Variants in DGKB observed in about 807,000 individuals in gnomAD.
DGKB encodes the protein diacylglycerol kinase beta.
A neutral mutation model predicts 114.3 loss-of-function variants in DGKB; 67 were observed. The ratio of observed to expected loss-of-function variants is 0.59; its 90% confidence interval spans 0.48 to 0.72. The LOEUF is 0.72. Among genes scored for constraint, DGKB ranks in the 30% least tolerant of loss-of-function variants. The pLI is 0.00. For synonymous variants in DGKB, 398 were observed against 323.1 expected, an observed-to-expected ratio of 1.23 and a Z score of -2.49; for missense variants, 907 against 975.2, an observed-to-expected ratio of 0.93 and a Z score of 0.93.
chr7:14,760,495 T>G (rs1218435089), intron 2 of DGKB, among the ~76,000 whole-genome samples: 2 of 152,128 alleles, frequency 1.3e-5, no homozygotes, highest in African/African-American at 4.8e-5. Flanking sequence ...GCTGACCCCT[T>G]ATTCTCAAAT....
At chr7:14,282,628 A>G (rs1800157122) in intron 23 of DGKB, among the ~76,000 whole-genome samples, 1 of 150,080 alleles carries the variant, frequency 6.7e-6, no homozygotes, top group Non-Finnish European at 1.5e-5. Flanking sequence ...ATACTGGCAA[A>G]CCGAATCCAG....
At chr7:14,875,393 C>T (rs217566) in intron 1 of DGKB, among the ~76,000 whole-genome samples, 138,582 of 152,092 alleles carry the variant, frequency 0.91, 63,602 homozygotes, top group Non-Finnish European at 0.96. Context: ...ATTCACTTTT[C>T]AGGAGTCACC....
intron 21 of DGKB, among the ~76,000 whole-genome samples, chr7:14,377,623 G>A (rs528135322): frequency 3.3e-5 from 5 of 152,178 alleles, no homozygotes; most frequent in African/African-American, 9.6e-5. Context: ...GGTAACAAAC[G>A]CAGCCAAAAA....
At chr7:14,520,708 T>C (rs1383396505) in intron 20 of DGKB, among the ~76,000 whole-genome samples, 1 of 152,080 alleles carries the variant, frequency 6.6e-6, no homozygotes, top group Admixed American at 6.6e-5. Context: ...TCAGTCTTTT[T>C]ATATTCATTG....
chr7:14,662,992 C>T (rs550305147), intron 13 of DGKB, among the ~76,000 whole-genome samples: 4 of 152,066 alleles, frequency 2.6e-5, no homozygotes, highest in African/African-American at 9.6e-5. Flanking sequence ...CACTCACCAT[C>T]AGCTATGCAT....
intron 23 of DGKB, among the ~76,000 whole-genome samples, chr7:14,224,987 G>T (rs1010710130): frequency 2.0e-5 from 3 of 151,942 alleles, no homozygotes; most frequent in Non-Finnish European, 4.4e-5. Flanking sequence ...GAAGTTAGGA[G>T]GACACTTCCT....
intron 2 of DGKB, among the ~76,000 whole-genome samples, chr7:14,802,849 T>C (rs1156934839): frequency 6.6e-6 from 1 of 152,174 alleles, no homozygotes; most frequent in Admixed American, 6.6e-5. Context: ...TTTATACGTT[T>C]ACTGCATATT....
intron 2 of DGKB, among the ~76,000 whole-genome samples, chr7:14,799,645 T>C (rs973381010): frequency 6.6e-6 from 1 of 152,130 alleles, no homozygotes; most frequent in Non-Finnish European, 1.5e-5. Flanking sequence ...AACGGGCCTA[T>C]TTGGATTTTA....
intron 23 of DGKB, among the ~76,000 whole-genome samples, chr7:14,231,382 C>T (rs1481616261): frequency 1.3e-5 from 2 of 151,910 alleles, no homozygotes; most frequent in African/African-American, 4.8e-5. Context: ...AAGCCATCCA[C>T]CTGCCTTGGC....
chr7:14,208,496 G>C (rs1385704250), intron 23 of DGKB, among the ~76,000 whole-genome samples: 1 of 151,922 alleles, frequency 6.6e-6, no homozygotes, highest in Non-Finnish European at 1.5e-5. Flanking sequence ...CCTTTTGCTG[G>C]GTTGCAAGGG....
At chr7:14,974,102 A>G (rs1210074479) in intron 1 of DGKB, among the ~76,000 whole-genome samples, 1 of 151,974 alleles carries the variant, frequency 6.6e-6, no homozygotes, top group East Asian at 1.9e-4. Context: ...ATCATGTGGT[A>G]ATACAGTTCT....
rs1781506440 is a variant in DGKB at position 14,146,628 on chromosome 7, A to G, written c.*2503T>C. 6.6e-6 allele frequency: 1 copy of G among 152,176 alleles called. No homozygotes were observed. Among genetic ancestry groups the G allele is most frequent in the Non-Finnish European group, 1.5e-5 (1 of 68,012 alleles). 9.4% of individuals were successfully genotyped at this position (152,176 alleles called of 1,614,324 possible). On this transcript the variant is annotated 3_prime_UTR_variant, in exon 26 of 26. Coordinates refer to ENST00000402815, the MANE Select transcript of DGKB (RefSeq NM_001350709.2). ...TCTCTGATTTCAAACCCATCAAGTT[A>G]CGTTTTTAAAAACTACTTTCCAAAC...
intron 1 of DGKB, among the ~76,000 whole-genome samples, chr7:14,859,742 A>G (rs1408200478): frequency 6.6e-6 from 1 of 152,120 alleles, no homozygotes; most frequent in African/African-American, 2.4e-5. Flanking sequence ...CTGTTGTTTA[A>G]TAAATATTTT....
intron 1 of DGKB, among the ~76,000 whole-genome samples, chr7:14,910,761 C>G (rs1783962699): frequency 2.0e-5 from 3 of 152,074 alleles, no homozygotes; most frequent in Admixed American, 6.6e-5. Flanking sequence ...CATTGCTTCT[C>G]CACTTTAAAG....
At chr7:14,831,666 G>C (rs1483177813) in intron 2 of DGKB, among the ~76,000 whole-genome samples, 1 of 151,992 alleles carries the variant, frequency 6.6e-6, no homozygotes, top group Non-Finnish European at 1.5e-5. Flanking sequence ...CTTTGTCTCA[G>C]AGCCAGGAGT....
chr7:14,360,321 G>T lies in DGKB; in HGVS notation c.1836-14930C>A, dbSNP rs1815457959. 3.3e-5 allele frequency among the ~76,000 whole-genome samples: 5 copies of T among 152,020 alleles called. No individual in the cohort carries two copies. The South Asian group carries it at 1.0e-3, about 32-fold the overall frequency. On this transcript the variant is annotated intron_variant, in intron 21 of 25. Coordinates refer to ENST00000402815, the MANE Select transcript of DGKB (RefSeq NM_001350709.2). The stretch of plus-strand genomic sequence containing the variant: ...CACACTGGGGCCTGTCGTGGGGTTG[G>T]GGGCTGGGGGAGAGATAGCTTTAGG...
intron 21 of DGKB, among the ~76,000 whole-genome samples, chr7:14,352,818 G>C (rs1182364043): frequency 1.3e-5 from 2 of 152,090 alleles, no homozygotes; most frequent in Non-Finnish European, 2.9e-5. Context: ...AGCTACTCGG[G>C]AGGCTGAGGC....
intron 1 of DGKB, among the ~76,000 whole-genome samples, chr7:14,888,187 G>A (rs1244399698): frequency 6.6e-6 from 1 of 151,642 alleles, no homozygotes; most frequent in Non-Finnish European, 1.5e-5. Context: ...TCATTTCAAA[G>A]CCAATTTAAG....
At chr7:14,658,270 A>G (rs1290810174) in intron 13 of DGKB, among the ~76,000 whole-genome samples, 1 of 152,008 alleles carries the variant, frequency 6.6e-6, no homozygotes, top group African/African-American at 2.4e-5. Flanking sequence ...TTTCAGCAAC[A>G]TAGATGGAAC....
Sources: gnomAD v4.1 joint callset for allele counts (sites outside exome capture counted in the v4.1 genomes callset) on GRCh38, gnomAD v4.1.1 for gene constraint, MANE v1.5 for transcripts, NCBI Gene and HGNC (gene_info 2026-07-23, HGNC 2026-07-21) for gene names.